TBC1D19: variants seen among roughly 807,000 people sequenced by gnomAD.
The protein encoded by TBC1D19 is TBC1 domain family, member 19.
TBC1D19 carries 60 observed loss-of-function variants against 89.0 expected under a neutral mutation model. That is an observed-to-expected ratio of 0.67 (90% CI 0.55 to 0.84). The LOEUF (loss-of-function observed/expected upper bound fraction) is 0.84. Among genes scored for constraint, TBC1D19 ranks in the 40% least tolerant of loss-of-function variants. TBC1D19 has a pLI of 0.00. For synonymous variants in TBC1D19, 189 were observed against 199.7 expected, an observed-to-expected ratio of 0.95 and a Z score of 0.45; for missense variants, 500 against 610.8, an observed-to-expected ratio of 0.82 and a Z score of 1.91.
chr4:26,686,733 G>A (rs1029987774), intron 12 of TBC1D19, among the ~76,000 whole-genome samples: 46 of 151,990 alleles, frequency 3.0e-4, no homozygotes, highest in African/African-American at 1.1e-3. Flanking sequence ...ACCTTTGTCT[G>A]GGTTGTCTTC....
At chr4:26,616,229 G>A (rs1741692734) in intron 3 of TBC1D19, among the ~76,000 whole-genome samples, 1 of 152,110 alleles carries the variant, frequency 6.6e-6, no homozygotes, top group Non-Finnish European at 1.5e-5. Context: ...TAGTCTTTCA[G>A]CTGAACTCCA....
intron 7 of TBC1D19, among the ~76,000 whole-genome samples, chr4:26,650,003 G>A (rs1352408788): frequency 6.6e-6 from 1 of 152,066 alleles, no homozygotes; most frequent in Non-Finnish European, 1.5e-5. Context: ...GAGAATGATG[G>A]TTTCCAGCTT....
intron 1 of TBC1D19, chr4:26,585,201 A>G (rs1391383400): frequency 4.5e-6 from 2 of 446,084 alleles, no homozygotes; most frequent in African/African-American, 4.0e-5. Flanking sequence ...GTAATGTTTC[A>G]TTCTATGAGA....
intron 4 of TBC1D19, among the ~76,000 whole-genome samples, chr4:26,624,898 G>T (rs544720345): frequency 1.3e-5 from 2 of 151,986 alleles, no homozygotes; most frequent in African/African-American, 2.4e-5. Flanking sequence ...TTTCGTCCAC[G>T]CACTGGGAAG....
chr4:26,678,740 G>A (rs1713068740), intron 11 of TBC1D19, among the ~76,000 whole-genome samples: 1 of 152,152 alleles, frequency 6.6e-6, no homozygotes, highest in Non-Finnish European at 1.5e-5. Flanking sequence ...ACACCTTACA[G>A]TAAAGATCTT....
chr4:26,807,835 T>C, the TBC1D19 span, among the ~76,000 whole-genome samples: 1 of 152,366 alleles, frequency 6.6e-6, no homozygotes, highest in East Asian at 1.9e-4. Context: ...TTGATCTTAC[T>C]GAGGTACCTA....
chr4:26,699,081 A>C (rs1298716417), intron 13 of TBC1D19, among the ~76,000 whole-genome samples: 2 of 152,246 alleles, frequency 1.3e-5, no homozygotes, highest in Non-Finnish European at 2.9e-5. Flanking sequence ...CAGGCAACCT[A>C]CAGAATGGGA....
At position 26,650,692 on chromosome 4, in the gene TBC1D19, T is replaced by A. The variant is rs1744302144; in HGVS notation, c.481-8905T>A. On this transcript the variant is annotated intron_variant, in intron 7 of 20. Coordinates refer to ENST00000264866, the MANE Select transcript of TBC1D19 (RefSeq NM_018317.4). ...TGTTCACTCTGATGGTAGTTTCTTT[T>A]GCTGTGCAGAAGCTCTTTTGTTTAA... 2.0e-5 allele frequency among the ~76,000 whole-genome samples: 3 copies of A among 152,214 alleles called. No individual in the cohort carries two copies. The South Asian group carries it at 6.2e-4, about 31-fold the overall frequency.
intron 1 of TBC1D19, among the ~76,000 whole-genome samples, chr4:26,578,799 T>C (rs1378087288): frequency 1.3e-5 from 2 of 152,212 alleles, no homozygotes; most frequent in East Asian, 1.9e-4. Context: ...TATTAGAGAA[T>C]AGACTATTTC....
At chr4:26,858,727 G>C in the TBC1D19 span, 1 of 152,194 alleles carries the variant, frequency 6.6e-6, no homozygotes, top group Non-Finnish European at 1.5e-5. Flanking sequence ...ATCTGCGGTG[G>C]AGGGTTTATT....
At chr4:26,646,434 C>T (rs762168324) in intron 7 of TBC1D19, among the ~76,000 whole-genome samples, 3 of 152,150 alleles carry the variant, frequency 2.0e-5, no homozygotes, top group Non-Finnish European at 4.4e-5. Flanking sequence ...ACTAGAAATA[C>T]CATTTGCCTC....
At chr4:26,805,904 G>A in the TBC1D19 span, among the ~76,000 whole-genome samples, 1 of 152,270 alleles carries the variant, frequency 6.6e-6, no homozygotes, top group South Asian at 2.1e-4. Flanking sequence ...GGAGGTGGTT[G>A]AGGTTGCAGT....
the TBC1D19 span, among the ~76,000 whole-genome samples, chr4:26,855,499 A>G: frequency 6.6e-6 from 1 of 152,200 alleles, no homozygotes; most frequent in Admixed American, 6.5e-5. Context: ...CTGGAACAAA[A>G]ATACCGGAGT....
At chr4:26,792,605 C>A in the TBC1D19 span, among the ~76,000 whole-genome samples, 2 of 152,214 alleles carry the variant, frequency 1.3e-5, no homozygotes, top group African/African-American at 4.8e-5. Context: ...GCTGAAGCAA[C>A]CTGCGTAAGC....
At chr4:26,579,540 T>C (rs896922314), upstream of TBC1D19, among the ~76,000 whole-genome samples, 4 of 151,944 alleles carry the variant, frequency 2.6e-5, no homozygotes, top group Admixed American at 6.6e-5. Context: ...CTGTGCAGAA[T>C]GTTCAGGTTT....
intron 11 of TBC1D19, among the ~76,000 whole-genome samples, chr4:26,681,046 C>T (rs1577924570): frequency 6.6e-6 from 1 of 151,908 alleles, no homozygotes; most frequent in Non-Finnish European, 1.5e-5. Context: ...ATTCAAATGG[C>T]CAATAAATAT....
downstream of TBC1D19, among the ~76,000 whole-genome samples, chr4:26,760,403 A>G (rs530668623): frequency 7.1e-4 from 108 of 152,198 alleles, no homozygotes; most frequent in African/African-American, 2.5e-3. Flanking sequence ...TCCCTACAAA[A>G]AATACAAAAA....
At chr4:26,577,967 C>T (rs1739006578) in intron 1 of TBC1D19, among the ~76,000 whole-genome samples, 1 of 152,156 alleles carries the variant, frequency 6.6e-6, no homozygotes, top group Non-Finnish European at 1.5e-5. Context: ...GAACTATTGT[C>T]TTAGTGCAGT....
rs1199261299 is a variant in TBC1D19, at chr4:26,638,088, A to C, written c.370-683A>C. Among the ~76,000 whole-genome samples, 1,351 of 151,332 alleles carry C rather than the reference A, an allele frequency of 8.9e-3. 20 individuals are homozygous for C. Among genetic ancestry groups the C allele is most frequent in the African/African-American group, 0.031 (1,265 of 40,680 alleles). ...TATTTAGATCTAATACTCAACATTT[A>C]TGTTACTCTGGGCATTGAGGAGAAA... On this transcript the variant is annotated intron_variant, in intron 5 of 20. Coordinates refer to ENST00000264866, the MANE Select transcript of TBC1D19 (RefSeq NM_018317.4).
Sources: gnomAD v4.1 joint callset for allele counts (sites outside exome capture counted in the v4.1 genomes callset) on GRCh38, gnomAD v4.1.1 for gene constraint, MANE v1.5 for transcripts, NCBI Gene and HGNC (gene_info 2026-07-23, HGNC 2026-07-21) for gene names.